FNDC3B: variants seen among roughly 807,000 people sequenced by gnomAD.
FNDC3B encodes the protein fibronectin type III domain-containing protein 3B.
FNDC3B carries 12 observed loss-of-function variants against 151.5 expected under a neutral mutation model. The ratio of observed to expected loss-of-function variants is 0.08; its 90% CI spans 0.05 to 0.13. The LOEUF (loss-of-function observed/expected upper bound fraction) is 0.13, where lower values mean the gene tolerates loss of function less well. Ranked by LOEUF, FNDC3B falls within the 10% of genes least tolerant of loss-of-function variation. FNDC3B has a pLI of 1.00. For missense variants in FNDC3B, 1,214 were observed against 1,505.3 expected (o/e 0.81, Z 3.20); for synonymous variants, 528 against 549.0 (o/e 0.96, Z 0.54).
intron 3 of FNDC3B, among the ~76,000 whole-genome samples, chr3:172,205,877 T>G (rs1028173457): frequency 6.6e-5 from 10 of 152,182 alleles, no homozygotes; most frequent in African/African-American, 2.4e-4. Flanking sequence ...TACATTGTGG[T>G]CTAGTAGATA....
At chr3:172,255,890 G>C (rs1365146403) in intron 6 of FNDC3B, among the ~76,000 whole-genome samples, 2 of 152,080 alleles carry the variant, frequency 1.3e-5, no homozygotes, top group Non-Finnish European at 2.9e-5. Context: ...ATGGTCCCTG[G>C]TGTCTCCTCA....
intron 8 of FNDC3B, among the ~76,000 whole-genome samples, chr3:172,297,293 A>G (rs1287230578): frequency 1.3e-5 from 2 of 152,250 alleles, no homozygotes; most frequent in Non-Finnish European, 2.9e-5. Flanking sequence ...CCAGTTTTCA[A>G]CTTAAAACCC....
At chr3:172,216,997 C>T (rs1726012833) in intron 3 of FNDC3B, among the ~76,000 whole-genome samples, 1 of 152,316 alleles carries the variant, frequency 6.6e-6, no homozygotes, top group East Asian at 1.9e-4. Flanking sequence ...TGCTGAGATA[C>T]ACAGAAACCT....
chr3:172,241,623 G>A (rs1161485926), intron 4 of FNDC3B, among the ~76,000 whole-genome samples: 1 of 151,654 alleles, frequency 6.6e-6, no homozygotes, highest in Non-Finnish European at 1.5e-5. Flanking sequence ...CGGATCTCAT[G>A]AGACTTATTC....
chr3:172,241,977 G>A (rs1727518276), intron 4 of FNDC3B, among the ~76,000 whole-genome samples: 1 of 152,212 alleles, frequency 6.6e-6, no homozygotes, highest in Non-Finnish European at 1.5e-5. Context: ...GAGGGTACAG[G>A]CATTGGGTAA....
chr3:172,206,385 G>T (rs555002045), intron 3 of FNDC3B, among the ~76,000 whole-genome samples: 1 of 152,082 alleles, frequency 6.6e-6, no homozygotes, highest in African/African-American at 2.4e-5. Context: ...AAGGCCAGGC[G>T]CGGTGGCTTA....
In FNDC3B at chr3:172,352,915, A is replaced by G; in HGVS notation, c.2627A>G (p.Asp876Gly). 1 of 1,614,190 alleles carries G rather than the reference A, an allele frequency of 6.2e-7. No individual in the cohort carries two copies. The change falls in exon 22 of 26, where the codon GAT (aspartate) becomes GGT (glycine). Residue 876 changes from aspartate (D) to glycine (G), a missense_variant. Asp to Gly is a moderately conservative substitution (Grantham distance 94, BLOSUM62 -1). This residue lies in a region of FNDC3B where 380 missense variants were observed against 420.9 expected (regional missense o/e 0.90). Transcript: ENST00000415807. The surrounding 1 kb of genome is among the most constrained non-coding windows in gnomAD (Gnocchi z 4.2). ...TGTGTCCTGGAGGAGGAGCCCCTTG[A>G]TGCCTACCCTGATTCACCTTCTGCG... ...TLCVLEEEPL[D>G]AYPDSPSACL...
At chr3:172,277,568 G>A (rs1401875694) in intron 6 of FNDC3B, among the ~76,000 whole-genome samples, 11 of 152,118 alleles carry the variant, frequency 7.2e-5, no homozygotes, top group Admixed American at 7.2e-4. Flanking sequence ...TTTTGGGAGG[G>A]CACCAAGCAT....
chr3:172,377,976 GTTT>G (rs977059783), intron 23 of FNDC3B, among the ~76,000 whole-genome samples: 1 of 151,998 alleles, frequency 6.6e-6, no homozygotes, highest in Non-Finnish European at 1.5e-5. Context: ...TGAAAATTCT[GTTT>G]TTTATTAGTA....
chr3:172,323,028 T>TTTG (rs1553789528), intron 11 of FNDC3B, among the ~76,000 whole-genome samples: 3 of 151,614 alleles, frequency 2.0e-5, no homozygotes, highest in African/African-American at 7.3e-5. Flanking sequence ...GTGTTTTAGT[T>TTTG]TTTGTTTGTT....
At chr3:172,168,213 A>T (rs1179564484) in intron 3 of FNDC3B, among the ~76,000 whole-genome samples, 1 of 152,232 alleles carries the variant, frequency 6.6e-6, no homozygotes, top group African/African-American at 2.4e-5. Flanking sequence ...AACTGATACC[A>T]GCTGTTATAC....
chr3:172,200,376 C>T (rs1039369260), intron 3 of FNDC3B, among the ~76,000 whole-genome samples: 1 of 152,214 alleles, frequency 6.6e-6, no homozygotes, highest in East Asian at 1.9e-4. Context: ...ATTCAAAGAC[C>T]TGCTGTATAC....
chr3:172,282,243 A>T (rs1397279001), intron 6 of FNDC3B, among the ~76,000 whole-genome samples: 1 of 152,190 alleles, frequency 6.6e-6, no homozygotes, highest in Non-Finnish European at 1.5e-5. Context: ...CCTGGGTTTT[A>T]TTTACCTTTT....
intron 25 of FNDC3B, among the ~76,000 whole-genome samples, chr3:172,389,231 C>T (rs529499039): frequency 6.6e-6 from 1 of 152,208 alleles, no homozygotes; most frequent in Admixed American, 6.5e-5. Context: ...CCACATGCAA[C>T]CATTTAGTTA....
At chr3:172,222,475 T>C (rs1726325029) in intron 3 of FNDC3B, among the ~76,000 whole-genome samples, 1 of 152,184 alleles carries the variant, frequency 6.6e-6, no homozygotes, top group South Asian at 2.1e-4. Flanking sequence ...ATCTGAGATG[T>C]GTGAGCTCTA....
chr3:172,353,222 T>C (rs772921217), intron 22 of FNDC3B, 139 bp downstream of exon 22: 1 of 838,994 alleles, frequency 1.2e-6, no homozygotes, highest in Non-Finnish European at 1.8e-6. Flanking sequence ...TTGTCTCACC[T>C]TGATCCCTCA....
intron 23 of FNDC3B, among the ~76,000 whole-genome samples, chr3:172,365,542 C>G (rs1734578898): frequency 6.6e-6 from 1 of 152,146 alleles, no homozygotes; most frequent in African/African-American, 2.4e-5. Context: ...ACCCTTGGCT[C>G]AAGACAACCC....
In FNDC3B at chr3:172,329,093, T is replaced by A. The variant is rs947869872; in HGVS notation, c.1379+17T>A. ...TGGTACCAGGTATGACGTTTCCTTG[T>A]CCTCTTGCCCTTCAGCCTTTGGATG... On this transcript the variant is annotated intron_variant, in intron 12 of 25. Transcript: ENST00000415807. 5 of 1,600,540 alleles carry A rather than the reference T, an allele frequency of 3.1e-6. No individual in the cohort carries two copies. In the South Asian group the frequency reaches 5.6e-5, roughly 18 times the overall value.
chr3:172,336,240 A>G (rs1732959403), intron 15 of FNDC3B, among the ~76,000 whole-genome samples: 1 of 152,230 alleles, frequency 6.6e-6, no homozygotes, highest in Non-Finnish European at 1.5e-5. Context: ...CGCTATGTCT[A>G]AGAATATAGA....
Sources: gnomAD v4.1 joint callset for allele counts (sites outside exome capture counted in the v4.1 genomes callset) on GRCh38, gnomAD v4.1.1 for gene constraint, gnomAD v4.1.1 regional missense constraint, Gnocchi (gnomAD v3.1) non-coding constraint, MANE v1.5 for transcripts, NCBI Gene and HGNC (gene_info 2026-07-23, HGNC 2026-07-21) for gene names.